The following UBE2L3 variants were observed in gnomAD, a reference collection of about 807,000 sequenced individuals.
UBE2L3 encodes the protein ubiquitin conjugating enzyme E2 L3, also known as ubiquitin-conjugating enzyme E2 L3.
A neutral mutation model predicts 17.8 loss-of-function variants in UBE2L3; 1 was observed. That is an observed-to-expected ratio of 0.06 (90% CI 0.02 to 0.27). The LOEUF is 0.27. Among genes scored for constraint, UBE2L3 ranks in the 10% least tolerant of loss-of-function variants. UBE2L3 has a pLI of 1.00. For missense variants in UBE2L3, 40 were observed against 192.6 expected, an observed-to-expected ratio of 0.21 and a Z score of 4.69; for synonymous variants, 44 against 68.5, an observed-to-expected ratio of 0.64 and a Z score of 1.76.
chr22:21,569,900 CAA>C (rs765677434), intron 1 of UBE2L3, among the ~76,000 whole-genome samples: 2 of 152,210 alleles, frequency 1.3e-5, no homozygotes, highest in Non-Finnish European at 2.9e-5. Context: ...TTCTCCAAAG[CAA>C]AGTCTCCTGC....
chr22:21,621,407 C>T lies in UBE2L3; in HGVS notation c.311-108C>T, dbSNP rs146308926. 3.0e-4 allele frequency: 412 copies of T among 1,365,014 alleles called. No homozygotes were observed. The African/African-American group carries it at 4.2e-3, about 14-fold the overall frequency. The allele number at this position is 1,365,014 out of a possible 1,614,324, so 84.6% of individuals were successfully genotyped here. A position where few individuals can be genotyped will look rare whatever the true frequency, so the allele number is the denominator to read the frequency against. On this transcript the variant is annotated intron_variant, in intron 3 of 3. Transcript: ENST00000342192. Reference sequence around the variant, plus strand: ...CAGCTTTGGCTTAAAAGCACATTAGCTGTAAATCAGTTGTAAAGCCAGAGT... The same window carrying T: ...CAGCTTTGGCTTAAAAGCACATTAGTTGTAAATCAGTTGTAAAGCCAGAGT...
chr22:21,617,429 G>C (rs1341396198), intron 3 of UBE2L3, among the ~76,000 whole-genome samples: 1 of 151,982 alleles, frequency 6.6e-6, no homozygotes, highest in Non-Finnish European at 1.5e-5. Flanking sequence ...ACCACACCTG[G>C]CTAGTTTTTT....
At chr22:21,574,543 G>A (rs1303241439) in intron 1 of UBE2L3, among the ~76,000 whole-genome samples, 1 of 152,160 alleles carries the variant, frequency 6.6e-6, no homozygotes, top group Non-Finnish European at 1.5e-5. Context: ...GTGTTTTCGG[G>A]ACAGGTTGGG....
At chr22:21,573,738 G>T (rs985656982) in intron 1 of UBE2L3, among the ~76,000 whole-genome samples, 3 of 152,332 alleles carry the variant, frequency 2.0e-5, no homozygotes, top group South Asian at 2.1e-4. Flanking sequence ...GAGCCCCAGA[G>T]ACCATCTGCC....
chr22:21,561,657 C>T (rs1289112041), intron 1 of UBE2L3, among the ~76,000 whole-genome samples: 4 of 152,242 alleles, frequency 2.6e-5, no homozygotes, highest in Non-Finnish European at 4.4e-5. Flanking sequence ...GTCCCTGCCA[C>T]GATGGACATG....
At chr22:21,569,393 GT>G (rs1461322001) in intron 1 of UBE2L3, among the ~76,000 whole-genome samples, 1 of 75,272 alleles carries the variant, frequency 1.3e-5, no homozygotes, top group African/African-American at 6.4e-5. Context: ...GAGACTCCAT[GT>G]CAAAAAAAAA....
chr22:21,563,920 G>A (rs371767476), upstream of UBE2L3, among the ~76,000 whole-genome samples: 1 of 151,820 alleles, frequency 6.6e-6, no homozygotes, highest in African/African-American at 2.4e-5. Context: ...TGCCCAGGCC[G>A]GTCTTGAACT....
chr22:21,579,644 G>A (rs1307368630), intron 1 of UBE2L3, among the ~76,000 whole-genome samples: 1 of 152,106 alleles, frequency 6.6e-6, no homozygotes, highest in Non-Finnish European at 1.5e-5. Flanking sequence ...ATTGGCACAT[G>A]CCTGTAGTCG....
intron 1 of UBE2L3, among the ~76,000 whole-genome samples, chr22:21,571,407 A>G (rs987732187): frequency 1.3e-5 from 2 of 152,162 alleles, no homozygotes; most frequent in Non-Finnish European, 2.9e-5. Flanking sequence ...CTTATTACTT[A>G]TCATGACATA....
At chr22:21,551,920 A>T (rs1318094107) in intron 1 of UBE2L3, among the ~76,000 whole-genome samples, 1 of 91,254 alleles carries the variant, frequency 1.1e-5, no homozygotes, top group Non-Finnish European at 2.2e-5. Context: ...ACACACACAT[A>T]CTGAGCTGAA....
chr22:21,595,818 A>T (rs1269753696), intron 2 of UBE2L3, among the ~76,000 whole-genome samples: 3 of 152,034 alleles, frequency 2.0e-5, no homozygotes, highest in Non-Finnish European at 2.9e-5. Context: ...AGCCCAGTGA[A>T]TGTGTTTACT....
At chr22:21,600,901 G>GA (rs751990128) in intron 2 of UBE2L3, among the ~76,000 whole-genome samples, 7 of 152,242 alleles carry the variant, frequency 4.6e-5, no homozygotes. Flanking sequence ...GGGACGTGGT[G>GA]GCTGACACCT....
rs1293751521 is a variant in UBE2L3, at chr22:21,554,343, T to A, written c.201+4693T>A. On this transcript the variant is annotated intron_variant, in intron 1 of 3. Coordinates refer to the UBE2L3 transcript ENST00000458578. ...AAGACTCCATCTCAAAAATAAAAAT[T>A]AAAATTAAAATTAAAAAAAGAGAGT... is the stretch of plus-strand genomic sequence containing the variant. Among the ~76,000 whole-genome samples the A allele has an allele frequency of 5.3e-4, 25 of 46,924 alleles. 9 individuals are homozygous for A. Among genetic ancestry groups the A allele is most frequent in the African/African-American group, 1.5e-3 (15 of 9,946 alleles). 30.8% of individuals were successfully genotyped at this position (46,924 alleles called of 152,430 possible).
chr22:21,586,460 A>G (rs1863261174), intron 1 of UBE2L3, among the ~76,000 whole-genome samples: 1 of 151,240 alleles, frequency 6.6e-6, no homozygotes, highest in Non-Finnish European at 1.5e-5. Flanking sequence ...AGTAGAGATG[A>G]GGTTTCACCT....
intron 1 of UBE2L3, among the ~76,000 whole-genome samples, chr22:21,561,681 G>A (rs1388686468): frequency 1.3e-5 from 2 of 152,396 alleles, no homozygotes; most frequent in South Asian, 2.1e-4. Flanking sequence ...AGTGTAGTGG[G>A]AGGGAATGGC....
At chr22:21,581,488 C>T (rs975032042) in intron 1 of UBE2L3, among the ~76,000 whole-genome samples, 4 of 151,994 alleles carry the variant, frequency 2.6e-5, no homozygotes, top group Middle Eastern at 3.2e-3. Flanking sequence ...CTGTGCTGGC[C>T]GGTGTTCACT....
At chr22:21,561,198 T>C (rs1253619054) in intron 1 of UBE2L3, among the ~76,000 whole-genome samples, 1 of 152,300 alleles carries the variant, frequency 6.6e-6, no homozygotes, top group African/African-American at 2.4e-5. Context: ...CTCAGTTTTT[T>C]CCTCTGTAAA....
chr22:21,583,026 A>G (rs1927732155), intron 1 of UBE2L3, among the ~76,000 whole-genome samples: 1 of 152,098 alleles, frequency 6.6e-6, no homozygotes, highest in African/African-American at 2.4e-5. Context: ...GGGGTATTAA[A>G]CAGCCCCCAG....
chr22:21,559,379 A>G lies in UBE2L3; in HGVS notation c.201+9729A>G, dbSNP rs561342192. Among the ~76,000 whole-genome samples the G allele has an allele frequency of 7.4e-5, 11 of 149,490 alleles. No individual in the cohort carries two copies. In the East Asian group the frequency reaches 2.2e-3, roughly 30 times the overall value. ...AATAAATAAATAAATAAACAAACAA[A>G]CAATAAATGAAAGTGATGGATTACA... On this transcript the variant is annotated intron_variant, in intron 1 of 3. Transcript: ENST00000458578.
Sources: gnomAD v4.1 joint callset for allele counts (sites outside exome capture counted in the v4.1 genomes callset) on GRCh38, gnomAD v4.1.1 for gene constraint, MANE v1.5 for transcripts, NCBI Gene and HGNC (gene_info 2026-07-23, HGNC 2026-07-21) for gene names.